The following OXR1 variants were observed in gnomAD, a reference collection of about 807,000 sequenced individuals.
OXR1 encodes oxidation resistance 1.
A neutral mutation model predicts 104.6 loss-of-function variants in OXR1; 41 were observed. The ratio of observed to expected loss-of-function variants is 0.39; its 90% CI spans 0.31 to 0.51. The LOEUF is 0.51. Among genes scored for constraint, OXR1 ranks in the 20% least tolerant of loss-of-function variants. The pLI is 0.77. For synonymous variants in OXR1, 348 were observed against 348.4 expected (o/e 1.00, Z 0.01); for missense variants, 955 against 1,031.9 (o/e 0.93, Z 1.02).
At chr8:106,455,347 AT>A (rs1820545920) in intron 2 of OXR1, among the ~76,000 whole-genome samples, 2 of 152,202 alleles carry the variant, frequency 1.3e-5, no homozygotes, top group Admixed American at 1.3e-4. Context: ...TATCTTCACA[AT>A]TTTTACACTA....
intron 11 of OXR1, among the ~76,000 whole-genome samples, chr8:106,725,628 T>C (rs1833263523): frequency 6.6e-6 from 1 of 152,198 alleles, no homozygotes. Flanking sequence ...GATTTTCAGG[T>C]CACTTTGAAT....
chr8:106,567,889 G>A (rs1287164561), intron 3 of OXR1, among the ~76,000 whole-genome samples: 1 of 152,068 alleles, frequency 6.6e-6, no homozygotes, highest in African/African-American at 2.4e-5. Context: ...TTTACTAACA[G>A]CCACTGAACA....
At chr8:106,492,889 G>T (rs1811188073) in intron 2 of OXR1, among the ~76,000 whole-genome samples, 1 of 152,174 alleles carries the variant, frequency 6.6e-6, no homozygotes, top group Non-Finnish European at 1.5e-5. Context: ...CTGTGTTTAT[G>T]AAGATCTGGG....
chr8:106,331,484 A>T (rs1814711874), intron 1 of OXR1, among the ~76,000 whole-genome samples: 1 of 152,064 alleles, frequency 6.6e-6, no homozygotes, highest in East Asian at 1.9e-4. Context: ...ATTATAAAAT[A>T]TTTTTTAAAG....
rs146512282 is a variant in OXR1 at position 106,603,384 on chromosome 8, T to C, written c.221-75826T>C. On this transcript the variant is annotated intron_variant, in intron 3 of 16. Coordinates refer to ENST00000517566, the MANE Select transcript of OXR1 (RefSeq NM_001198533.2). ...ATTTTTACACCTTGCCTATATAAAA[T>C]AAAAAGCAAAAAAAAAGTCAGTAAC... is the stretch of plus-strand genomic sequence containing the variant. Among the ~76,000 whole-genome samples, 8 of 152,024 alleles carry C rather than the reference T, an allele frequency of 5.3e-5. 1 individual carries two copies. Among genetic ancestry groups the C allele is most frequent in the African/African-American group, 1.9e-4 (8 of 41,502 alleles).
At chr8:106,548,478 AAGAG>A (rs1052287028) in intron 3 of OXR1, among the ~76,000 whole-genome samples, 21 of 152,228 alleles carry the variant, frequency 1.4e-4, no homozygotes, top group African/African-American at 2.4e-4. Context: ...CACTATAAAA[AAGAG>A]AGAAGAAAAT....
At chr8:106,332,422 G>A (rs1225565591) in intron 1 of OXR1, among the ~76,000 whole-genome samples, 1 of 152,104 alleles carries the variant, frequency 6.6e-6, no homozygotes, top group Non-Finnish European at 1.5e-5. Context: ...CAATGCCCAA[G>A]TAACTTATTG....
chr8:106,503,596 G>A (rs762361868), intron 2 of OXR1, among the ~76,000 whole-genome samples: 5 of 152,162 alleles, frequency 3.3e-5, no homozygotes, highest in African/African-American at 4.8e-5. Context: ...AAGAGCTTGG[G>A]GGAAACAATG....
At chr8:106,312,746 A>C (rs1438202283) in intron 1 of OXR1, among the ~76,000 whole-genome samples, 1 of 152,234 alleles carries the variant, frequency 6.6e-6, no homozygotes, top group African/African-American at 2.4e-5. Flanking sequence ...ATAAAGCTTA[A>C]ATTAAAACCC....
chr8:106,726,417 GA>G (rs1304514686), intron 11 of OXR1: 1 of 614,440 alleles, frequency 1.6e-6, no homozygotes, highest in Non-Finnish European at 2.6e-6. Flanking sequence ...GATATTTATA[GA>G]ATACAAAATT....
In OXR1 at chr8:106,306,341, A is replaced by C. The variant is rs1020337712; in HGVS notation, c.-139+35974A>C. On this transcript the variant is annotated intron_variant, in intron 1 of 16. Coordinates refer to ENST00000517566, the MANE Select transcript of OXR1 (RefSeq NM_001198533.2). Reference sequence around the variant, plus strand: ...TTGGGTTTTAAAGCTTCCGGTATCCATTATATCTTGATCTCATTAAACATA... The same window carrying C: ...TTGGGTTTTAAAGCTTCCGGTATCCCTTATATCTTGATCTCATTAAACATA... Among the ~76,000 whole-genome samples the C allele has an allele frequency of 8.5e-5, 13 of 152,152 alleles. No individual in the cohort carries two copies. In the East Asian group the frequency reaches 2.3e-3, roughly 27 times the overall value.
At chr8:106,594,717 A>T (rs144827242) in intron 3 of OXR1, among the ~76,000 whole-genome samples, 1 of 152,212 alleles carries the variant, frequency 6.6e-6, no homozygotes, top group Admixed American at 6.5e-5. Context: ...ACTGATAAGA[A>T]TGAACTGATT....
intron 3 of OXR1, among the ~76,000 whole-genome samples, chr8:106,555,874 G>GTA (rs912393861): frequency 4.7e-5 from 7 of 148,360 alleles, no homozygotes; most frequent in South Asian, 2.1e-4. Flanking sequence ...ATGTGTGTGT[G>GTA]TATATATATA....
At chr8:106,737,667 A>T in intron 12 of OXR1, 67 bp downstream of exon 12, 1 of 545,504 alleles carries the variant, frequency 1.8e-6, no homozygotes, top group East Asian at 3.3e-5. Context: ...GTTCTTTGTC[A>T]TGGCAAATCT....
intron 3 of OXR1, among the ~76,000 whole-genome samples, chr8:106,600,263 A>G (rs936401395): frequency 6.6e-6 from 1 of 152,238 alleles, no homozygotes; most frequent in African/African-American, 2.4e-5. Context: ...AAGATATTCA[A>G]ATCAACTTAA....
intron 4 of OXR1, among the ~76,000 whole-genome samples, chr8:106,680,257 C>T (rs896081563): frequency 1.3e-5 from 2 of 152,044 alleles, no homozygotes; most frequent in Non-Finnish European, 2.9e-5. Context: ...ACTCAAATTG[C>T]GTGTGTTTGT....
chr8:106,384,713 ATTCTTTTTTTCTTTT>A (rs1449594689), intron 2 of OXR1, among the ~76,000 whole-genome samples: 2 of 149,646 alleles, frequency 1.3e-5, no homozygotes, highest in African/African-American at 2.4e-5. Context: ...CTGTCTTAAA[ATTCTTTTTTTCTTTT>A]TTCTTTTTTT....
intron 2 of OXR1, among the ~76,000 whole-genome samples, chr8:106,396,961 C>T (rs186935095): frequency 6.6e-6 from 1 of 151,670 alleles, no homozygotes; most frequent in Admixed American, 6.6e-5. Context: ...GGAACAATTC[C>T]AAGATATATT....
chr8:106,621,607 T>G (rs1821709783), intron 3 of OXR1, among the ~76,000 whole-genome samples: 1 of 152,128 alleles, frequency 6.6e-6, no homozygotes, highest in Admixed American at 6.6e-5. Flanking sequence ...GAAATTCCAT[T>G]GCAATAGTAA....
Sources: allele counts gnomAD v4.1 joint callset (sites outside exome capture counted in the v4.1 genomes callset), GRCh38; gene constraint gnomAD v4.1.1; transcripts MANE v1.5; gene names NCBI Gene and HGNC (gene_info 2026-07-23, HGNC 2026-07-21).